EGF: variants seen among roughly 807,000 people sequenced by gnomAD.
EGF encodes the protein epidermal growth factor.
A neutral mutation model predicts 143.8 loss-of-function variants in EGF; 95 were observed. The observed-to-expected ratio is 0.66, with a 90% confidence interval of 0.56 to 0.78. The LOEUF (loss-of-function observed/expected upper bound fraction) is 0.78, where lower values mean the gene tolerates loss of function less well. EGF is among the 30% of genes least tolerant of loss of function. The probability of loss-of-function intolerance (pLI) is 0.00; values close to 1 mark genes in which losing one functional copy is unlikely to be tolerated. For missense variants in EGF, 1,320 were observed against 1,470.9 expected (o/e 0.90, Z 1.68); for synonymous variants, 510 against 510.5 (o/e 1.00, Z 0.01).
chr4:109,998,981 T>C (rs989543208), intron 20 of EGF, among the ~76,000 whole-genome samples: 1 of 152,180 alleles, frequency 6.6e-6, no homozygotes, highest in Non-Finnish European at 1.5e-5. Flanking sequence ...CATTGCTTCA[T>C]TTACTTCAAA....
At chr4:109,949,051 AG>A (rs1048747254) in intron 5 of EGF, among the ~76,000 whole-genome samples, 1 of 152,176 alleles carries the variant, frequency 6.6e-6, no homozygotes, top group African/African-American at 2.4e-5. Context: ...CATTTATCAA[AG>A]CATGCTCTAC....
chr4:109,951,488 G>T (rs1484921453), intron 5 of EGF, among the ~76,000 whole-genome samples: 6 of 152,128 alleles, frequency 3.9e-5, no homozygotes, highest in Non-Finnish European at 8.8e-5. Context: ...GTTGTTGTTT[G>T]TTTGTTTCAG....
rs186352850 is a variant in EGF, at chr4:109,976,808, T to G, written c.2053+573T>G. Among the ~76,000 whole-genome samples, 11 of 152,322 alleles carry G rather than the reference T, an allele frequency of 7.2e-5. No homozygotes were observed. In the East Asian group the frequency reaches 2.1e-3, roughly 29 times the overall value. ...ACAGTATTTAAACTGGGCCATGTGG[T>G]AAATAGATGATGACAAAAGATTATA... On this transcript the variant is annotated intron_variant, in intron 13 of 23. Transcript: ENST00000265171.
chr4:109,972,318 G>A (rs1255143354), intron 11 of EGF, among the ~76,000 whole-genome samples: 1 of 152,176 alleles, frequency 6.6e-6, no homozygotes, highest in Non-Finnish European at 1.5e-5. Context: ...CCTTGGGGGA[G>A]CTTTAAAAGT....
chr4:109,930,966 T>G (rs147634714), intron 1 of EGF, among the ~76,000 whole-genome samples: 8 of 151,982 alleles, frequency 5.3e-5, no homozygotes, highest in African/African-American at 1.7e-4. Context: ...TTAAGGTTTG[T>G]GTTCCCTAGA....
chr4:109,965,906 C>T (rs1388492236), intron 10 of EGF, among the ~76,000 whole-genome samples: 1 of 151,896 alleles, frequency 6.6e-6, no homozygotes, highest in Non-Finnish European at 1.5e-5. Context: ...AGAAGAGTAA[C>T]CCATTATTTA....
intron 1 of EGF, among the ~76,000 whole-genome samples, chr4:109,924,680 A>G (rs564443718): frequency 5.3e-4 from 81 of 152,322 alleles, no homozygotes; most frequent in African/African-American, 1.9e-3. Flanking sequence ...CTTCCTACAA[A>G]GAAACTAAAG....
intron 17 of EGF, among the ~76,000 whole-genome samples, 179 bp from the exon 18 acceptor site, chr4:109,988,405 T>C (rs1431963192): frequency 9.2e-5 from 14 of 152,214 alleles, no homozygotes. Context: ...CTGTAAAGAC[T>C]AATTCAGCAG....
chr4:109,970,834 A>AG (rs1424653101), intron 11 of EGF, among the ~76,000 whole-genome samples: 1 of 151,730 alleles, frequency 6.6e-6, no homozygotes, highest in Non-Finnish European at 1.5e-5. Flanking sequence ...CAAAAAAAAA[A>AG]AAAAAAAAAA....
intron 18 of EGF, among the ~76,000 whole-genome samples, chr4:109,992,880 A>C (rs1168459293): frequency 2.1e-5 from 3 of 141,808 alleles, no homozygotes; most frequent in Admixed American, 7.5e-5. Context: ...TCTTACTCAT[A>C]GGTGGGAATT....
intron 13 of EGF, among the ~76,000 whole-genome samples, chr4:109,979,204 C>T (rs1748944217): frequency 6.6e-6 from 1 of 151,890 alleles, no homozygotes; most frequent in South Asian, 2.1e-4. Context: ...ATGACTCTTT[C>T]AAAAATGTGG....
In EGF at chr4:109,974,760, G is replaced by A. The variant is rs1186940377; in HGVS notation, c.1782G>A (p.Lys594=). The A allele has an allele frequency of 1.2e-6, 2 of 1,613,540 alleles. No individual in the cohort carries two copies. The highest frequency in any genetic ancestry group is 1.1e-5 in the South Asian group (1 of 91,072). The change falls in exon 12 of 24, where the codon AAG becomes AAA. Residue 594 remains lysine (K), a synonymous_variant. Transcript: ENST00000265171. The part of the protein sequence containing the change: ...LNGKRSKIIT[K]ENISQPRGIA... ...GGAAACGTTCCAAAATAATCACTAA[G>A]GAGAACATCTCTCAACCACGAGGAA...
rs1011935484 is a variant in EGF, at chr4:110,010,246, A to C, written c.3371-956A>C. 5.9e-5 allele frequency among the ~76,000 whole-genome samples: 9 copies of C among 152,200 alleles called. No individual in the cohort carries two copies. In the East Asian group the frequency reaches 1.7e-3, roughly 30 times the overall value. On this transcript the variant is annotated intron_variant, in intron 23 of 23. Coordinates refer to ENST00000265171, the MANE Select transcript of EGF (RefSeq NM_001963.6). ...TGCACTCCAGTGAGACTCCATCTCA[A>C]AACAAAGATAGAGACTCCATCTCAA...
rs980278790 is a variant in EGF, at chr4:109,999,953, A to G, written c.3173+107A>G. 15 of 1,519,844 alleles carry G rather than the reference A, an allele frequency of 9.9e-6. No individual in the cohort carries two copies. In the Admixed American group the frequency reaches 1.7e-4, roughly 17 times the overall value. The allele number at this position is 1,519,844 out of a possible 1,614,324, so 94.1% of individuals were successfully genotyped here. ...ATGAAATAGTACCTCTACATACTAC[A>G]TTTAAAACGTGAAATAGGCTGGGTG... On this transcript the variant is annotated intron_variant, in intron 21 of 23. Transcript: ENST00000265171.
intron 1 of EGF, among the ~76,000 whole-genome samples, chr4:109,938,598 C>T (rs1741310576): frequency 6.6e-6 from 1 of 152,190 alleles, no homozygotes; most frequent in Non-Finnish European, 1.5e-5. Flanking sequence ...AAGAGGCAAT[C>T]TGGTTTTTGG....
intron 1 of EGF, among the ~76,000 whole-genome samples, chr4:109,932,816 C>T (rs563789182): frequency 6.6e-6 from 1 of 152,266 alleles, no homozygotes; most frequent in East Asian, 1.9e-4. Context: ...GCAGAGAACT[C>T]TTAGAAATAA....
At position 109,915,581 on chromosome 4, in the gene EGF, C is replaced by T. The variant is rs532914192; in HGVS notation, c.127+2119C>T. ...GGTTTAAATCCCGTACTTTACGCTCCTGGTCTCATGTTAGCTGATAACTGC... is the reference window on the plus strand; with the variant it reads ...GGTTTAAATCCCGTACTTTACGCTCTTGGTCTCATGTTAGCTGATAACTGC... On this transcript the variant is annotated intron_variant, in intron 1 of 23. Transcript: ENST00000265171. Among the ~76,000 whole-genome samples, 3 of 152,342 alleles carry T rather than the reference C, an allele frequency of 2.0e-5. No homozygotes were observed. In the East Asian group the frequency reaches 5.8e-4, roughly 29 times the overall value.
intron 7 of EGF, 57 bp downstream of exon 7, chr4:109,961,046 C>G: frequency 6.3e-7 from 1 of 1,593,698 alleles, no homozygotes; most frequent in Admixed American, 1.7e-5. Flanking sequence ...CAATATGTTT[C>G]TAAGGTGGCT....
In EGF at chr4:109,945,126, G is replaced by A. The variant is rs867950317; in HGVS notation, c.791G>A (p.Trp264Ter). 2.5e-6 allele frequency: 4 copies of A among 1,614,050 alleles called. No individual in the cohort carries two copies. The highest frequency in any genetic ancestry group is 2.2e-5 in the South Asian group (2 of 91,080). Reference protein sequence around the residue: ...LFGDRIFYSTWKMKTIWIANK... With the variant: ...LFGDRIFYST The stretch of plus-strand genomic sequence containing the variant: ...GGTGACCGTATCTTCTATTCAACAT[G>A]GAAAATGAAGACAATTTGGATAGCC... The change falls in exon 5 of 24, where the codon TGG becomes TAG. Residue 264 changes from tryptophan (W) to a stop codon, truncating the protein, a stop_gained. Coordinates refer to ENST00000265171, the MANE Select transcript of EGF (RefSeq NM_001963.6). LOFTEE classifies it high-confidence loss of function.
Sources: allele counts gnomAD v4.1 joint callset (sites outside exome capture counted in the v4.1 genomes callset), GRCh38; gene constraint gnomAD v4.1.1; transcripts MANE v1.5; gene names NCBI Gene and HGNC (gene_info 2026-07-23, HGNC 2026-07-21).